COL7A1: variants seen among roughly 807,000 people sequenced by gnomAD.
COL7A1 encodes collagen alpha-1(VII) chain.
Under a neutral mutation model 456.2 loss-of-function variants are expected in COL7A1, and 296 were observed. The observed-to-expected ratio is 0.65, with a 90% CI of 0.59 to 0.71. COL7A1 has a LOEUF of 0.71. COL7A1 is among the 30% of genes least tolerant of loss of function. The probability of loss-of-function intolerance (pLI) is 0.00; values close to 1 mark genes in which losing one functional copy is unlikely to be tolerated. For missense variants in COL7A1, 3,441 were observed against 4,017.2 expected (o/e 0.86, Z 3.88); for synonymous variants, 1,464 against 1,525.9 (o/e 0.96, Z 0.95).
At position 48,583,120 on chromosome 3, in the gene COL7A1, C is replaced by A. The variant is rs1469985915; in HGVS notation, c.4482+7G>T. On this transcript the variant is annotated splice_region_variant and intron_variant, in intron 43 of 118. Transcript: ENST00000681320. This position sits in a 1 kb window ranked among gnomAD's most constrained non-coding sequence, Gnocchi z 5.1. The stretch of plus-strand genomic sequence containing the variant: ...AGGGCCCTTGGCACCCCCCAGGTTG[C>A]ACTTACCTTCTCTCCAGCCTCACCC... 9.3e-6 allele frequency: 15 copies of A among 1,613,830 alleles called. No individual in the cohort carries two copies. Among genetic ancestry groups the A allele is most frequent in the Non-Finnish European group, 1.3e-5 (15 of 1,179,994 alleles).
At position 48,574,776 on chromosome 3, in the gene COL7A1, G is replaced by A. The variant is rs533840468; in HGVS notation, c.6348+21C>T. Reference sequence around the variant, plus strand: ...TAGTGCCATGGCAGAGGGTGGCCCCGAGCTGATTCCACACACTGACCTTAG... The same window carrying A: ...TAGTGCCATGGCAGAGGGTGGCCCCAAGCTGATTCCACACACTGACCTTAG... On this transcript the variant is annotated intron_variant, in intron 77 of 118. Transcript: ENST00000681320. This position sits in a 1 kb window ranked among gnomAD's most constrained non-coding sequence, Gnocchi z 5.0. 89 of 1,613,948 alleles carry A rather than the reference G, an allele frequency of 5.5e-5. 1 individual carries two copies. In the South Asian group the frequency reaches 7.2e-4, roughly 13 times the overall value.
rs901204807 is a variant in COL7A1, at chr3:48,565,926, G to T, written c.8408-258C>A. Among the ~76,000 whole-genome samples the T allele has an allele frequency of 1.3e-5, 2 of 152,176 alleles. No individual in the cohort carries two copies. Among genetic ancestry groups the T allele is most frequent in the African/African-American group, 2.4e-5 (1 of 41,436 alleles). ...GCAGGCCAGACACAGAAACAGGCAGGTGGTGCAGACAGAGACGGGAAGAGA... is the reference window on the plus strand; with the variant it reads ...GCAGGCCAGACACAGAAACAGGCAGTTGGTGCAGACAGAGACGGGAAGAGA... On this transcript the variant is annotated intron_variant, in intron 114 of 118. Coordinates refer to ENST00000681320, the MANE Select transcript of COL7A1 (RefSeq NM_000094.4). This position sits in a 1 kb window ranked among gnomAD's most constrained non-coding sequence, Gnocchi z 4.5.
Position 48,591,969 on chromosome 3 carries a change from G to A in COL7A1, c.1286C>T (p.Thr429Ile), listed in dbSNP as rs141018618. The change falls in exon 11 of 119, where the codon ACA (threonine) becomes ATA (isoleucine). Residue 429 changes from threonine (T) to isoleucine (I), a missense_variant. Physicochemically the swap from Thr to Ile is moderately conservative, Grantham distance 89. Around this residue, in one of 3 missense-constraint regions of COL7A1, gnomAD observed 913 missense variants for 1,088.2 expected, o/e 0.84. Coordinates refer to ENST00000681320, the MANE Select transcript of COL7A1 (RefSeq NM_000094.4). The surrounding 1 kb of genome is among the most constrained non-coding windows in gnomAD (Gnocchi z 7.0). The part of the protein sequence containing the change: ...QTLRPVILGP[T>I]SILLSWNLVP... ...CAAGTTCCAGGAAAGGAGGATGGAT[G>A]TGGGGCCCAGGATGACCGGGCGCAG... 8.1e-6 allele frequency: 13 copies of A among 1,614,208 alleles called. No individual in the cohort carries two copies. Among genetic ancestry groups the A allele is most frequent in the East Asian group, 2.2e-5 (1 of 44,882 alleles).
rs2045946998 is a variant in COL7A1 at position 48,594,626 on chromosome 3, C to A, written c.86-78G>T. ...TACCCGCACGGTGGCCTCACTGGGA[C>A]TTGGGATGGTGGGGAGAGTAGGCCT... On this transcript the variant is annotated intron_variant, in intron 2 of 118. Transcript: ENST00000681320. The surrounding 1 kb of genome is among the most constrained non-coding windows in gnomAD (Gnocchi z 5.5). 2 of 1,489,878 alleles carry A rather than the reference C, an allele frequency of 1.3e-6. No homozygotes were observed. The highest frequency in any genetic ancestry group is 2.4e-5 in the South Asian group (2 of 82,838). The allele number at this position is 1,489,878 out of a possible 1,614,324, so 92.3% of individuals were successfully genotyped here. A position where few individuals can be genotyped will look rare whatever the true frequency, so the allele number is the denominator to read the frequency against.
chr3:48,566,727 C>A lies in COL7A1; in HGVS notation c.8237G>T (p.Gly2746Val), dbSNP rs774937909. 1 of 1,613,734 alleles carries A rather than the reference C, an allele frequency of 6.2e-7. No individual in the cohort carries two copies. The highest frequency in any genetic ancestry group is 1.7e-5 in the Admixed American group (1 of 60,012). ...EGLQGQKGER[G>V]PPGERVVGAP... ...CCCCACCACTCTCTCTCCGGGGGGA[C>A]CTCGCTCACCCTGTCAGACACAGGG... Residue 2746 changes from glycine (G) to valine (V), a missense_variant, in exon 112 of 119, where the codon GGT becomes GTT. By Grantham distance (109) the Gly-to-Val change is moderately radical. Transcript: ENST00000681320. The surrounding 1 kb of genome is among the most constrained non-coding windows in gnomAD (Gnocchi z 5.9).
rs1032335328 is a variant in COL7A1, at chr3:48,579,271, G to A, written c.5314C>T (p.Arg1772Trp). Residue 1772 changes from arginine to tryptophan, a missense_variant, in exon 62 of 119, where the codon CGG becomes TGG. Coordinates refer to ENST00000681320, the MANE Select transcript of COL7A1 (RefSeq NM_000094.4). This position sits in a 1 kb window ranked among gnomAD's most constrained non-coding sequence, Gnocchi z 4.4. ...CGGCCATCCAGCCCAGGGGGACCCC[G>A]GTCACCCTGTGGAAAATAGAGTGGT... ...VRGPAGEKGD[R>W]GPPGLDGRSG... 9.9e-6 allele frequency: 16 copies of A among 1,613,836 alleles called. No homozygotes were observed. The highest frequency in any genetic ancestry group is 7.7e-5 in the South Asian group (7 of 91,084).
Position 48,578,218 on chromosome 3 carries a change from A to G in COL7A1, c.5532+103T>C. 6 of 1,325,420 alleles carry G rather than the reference A, an allele frequency of 4.5e-6. No individual in the cohort carries two copies. The highest frequency in any genetic ancestry group is 6.4e-6 in the Non-Finnish European group (6 of 930,576). 82.1% of individuals were successfully genotyped at this position (1,325,420 alleles called of 1,614,324 possible). A position where few individuals can be genotyped will look rare whatever the true frequency, so the allele number is the denominator to read the frequency against. ...CATCTGTATGTCTGGGCCAGGATGC[A>G]TGTGTCTACACGTGTGCCTCATGTG... On this transcript the variant is annotated intron_variant, in intron 65 of 118. Coordinates refer to ENST00000681320, the MANE Select transcript of COL7A1 (RefSeq NM_000094.4). The surrounding 1 kb of genome is among the most constrained non-coding windows in gnomAD (Gnocchi z 4.7).
In COL7A1 at chr3:48,565,193, G is replaced by C; in HGVS notation, c.8536C>G (p.Pro2846Ala). The change falls in exon 117 of 119, where the codon CCC (proline) becomes GCC (alanine). Residue 2846 changes from proline (P) to alanine (A), a missense_variant. By Grantham distance (27) the Pro-to-Ala change is conservative (BLOSUM62 -1). Transcript: ENST00000681320. The surrounding 1 kb of genome is among the most constrained non-coding windows in gnomAD (Gnocchi z 4.5). The part of the protein sequence containing the change: ...VSHAEEEERV[P>A]PEDDEYSEYS... ...TCAGAGTACTCATCATCCTCAGGGG[G>C]TACCCGCTCTGCAGGTAGGGCAGGG... 6.2e-7 allele frequency: 1 copy of C among 1,613,594 alleles called. No homozygotes were observed. The highest frequency in any genetic ancestry group is 8.5e-7 in the Non-Finnish European group (1 of 1,179,740).
At position 48,576,763 on chromosome 3, in the gene COL7A1, A is replaced by T; in HGVS notation, c.5613T>A (p.Asp1871Glu). 6.2e-7 allele frequency: 1 copy of T among 1,613,468 alleles called. No individual in the cohort carries two copies. The highest frequency in any genetic ancestry group is 8.5e-7 in the Non-Finnish European group (1 of 1,179,798). Residue 1871 changes from aspartate to glutamate, a missense_variant, in exon 68 of 119, where the codon GAT becomes GAA. Around this residue, in one of 3 missense-constraint regions of COL7A1, gnomAD observed 2,084 missense variants for 2,501.3 expected, o/e 0.83. Coordinates refer to ENST00000681320, the MANE Select transcript of COL7A1 (RefSeq NM_000094.4). The part of the protein sequence containing the change: ...DSGASGREGR[D>E]GPKGERGAPG... ...GAGCTCCACGCTCACCCTTGGGGCCATCACGACCCTGTGAAGGATGCAGCC... is the reference window on the plus strand; with the variant it reads ...GAGCTCCACGCTCACCCTTGGGGCCTTCACGACCCTGTGAAGGATGCAGCC...
In COL7A1 at chr3:48,575,553, A is replaced by G; in HGVS notation, c.5980-14T>C. ...GCCGATGGGGCCCTGCAGGAGTGGA[A>G]GAGAGAATGCTGGTGGCTGTACAGC... On this transcript the variant is annotated splice_polypyrimidine_tract_variant and intron_variant, in intron 73 of 118. Coordinates refer to ENST00000681320, the MANE Select transcript of COL7A1 (RefSeq NM_000094.4). The surrounding 1 kb of genome is among the most constrained non-coding windows in gnomAD (Gnocchi z 6.3). 6.2e-7 allele frequency: 1 copy of G among 1,612,640 alleles called. No individual in the cohort carries two copies. Among genetic ancestry groups the G allele is most frequent in the East Asian group, 2.2e-5 (1 of 44,880 alleles).
At position 48,587,869 on chromosome 3, in the gene COL7A1, C is replaced by T. The variant is rs747561081; in HGVS notation, c.2781G>A (p.Ala927=). The change falls in exon 22 of 119, where the codon GCG becomes GCA. Residue 927 remains alanine, a synonymous_variant. Coordinates refer to ENST00000681320, the MANE Select transcript of COL7A1 (RefSeq NM_000094.4). The surrounding 1 kb of genome is among the most constrained non-coding windows in gnomAD (Gnocchi z 6.1). ...CACTCAGCCTCACGCGGTACTGTGT[C>T]GCTGGCTCCAGCCCGTCCAGGTGAT... ...SSYHLDGLEP[A]TQYRVRLSVL... is the part of the protein sequence containing the mutation. 1.2e-5 allele frequency: 19 copies of T among 1,612,754 alleles called. No individual in the cohort carries two copies. Among genetic ancestry groups the T allele is most frequent in the Middle Eastern group, 3.3e-4 (2 of 6,056 alleles).
Position 48,566,532 on chromosome 3 carries a change from T to C in COL7A1, c.8336A>G (p.Glu2779Gly). The C allele has an allele frequency of 6.2e-7, 1 of 1,613,544 alleles. No homozygotes were observed. Among genetic ancestry groups the C allele is most frequent in the Non-Finnish European group, 8.5e-7 (1 of 1,179,718 alleles). Residue 2779 changes from glutamate to glycine, a missense_variant, in exon 113 of 119, where the codon GAG becomes GGG. Physicochemically the swap from Glu to Gly is moderately conservative, Grantham distance 98. Transcript: ENST00000681320. This position sits in a 1 kb window ranked among gnomAD's most constrained non-coding sequence, Gnocchi z 5.9. The stretch of plus-strand genomic sequence containing the variant: ...CACCGTCAGTGCAGCTTCTCCCTTC[T>C]CGCCTCGAGGACCGGCAGGCCCTGG... ...GRPGPAGPRGEKGEAALTEDD... is the reference protein window; with the variant it reads ...GRPGPAGPRGGKGEAALTEDD...
Position 48,582,328 on chromosome 3 carries a change from C to T in COL7A1, c.4630G>A (p.Val1544Met), listed in dbSNP as rs1388477819. 1 of 1,614,038 alleles carries T rather than the reference C, an allele frequency of 6.2e-7. No individual in the cohort carries two copies. The highest frequency in any genetic ancestry group is 1.1e-5 in the South Asian group (1 of 91,090). The change falls in exon 47 of 119, where the codon GTG (valine) becomes ATG (methionine). Residue 1544 changes from valine (V) to methionine (M), a missense_variant. By Grantham distance (21) the Val-to-Met change is conservative. Coordinates refer to ENST00000681320, the MANE Select transcript of COL7A1 (RefSeq NM_000094.4). ...GCCATCCTCCCGTCACTCACCACCA[C>T]TGCAGGGTCCCCAGGGCGACCAGGC... ...GEPGRPGDPA[V>M]VGPAVAGPKG...
At position 48,570,492 on chromosome 3, in the gene COL7A1, A is replaced by G. The variant is rs139461888; in HGVS notation, c.7353T>C (p.Pro2451=). ...PPGPPGSVGP[P]GASGLKGDKG... is the part of the protein sequence containing the mutation. ...TGTCTCCTTTGAGTCCAGAGGCCCC[A>G]GGTGGTCCCTGTAGGTCAGAGTGAG... The change falls in exon 97 of 119, where the codon CCT becomes CCC. Residue 2451 remains proline (P), a synonymous_variant. Transcript: ENST00000681320. The surrounding 1 kb of genome is among the most constrained non-coding windows in gnomAD (Gnocchi z 5.5). 7.4e-4 allele frequency: 1,199 copies of G among 1,614,042 alleles called. 2 individuals are homozygous for G. The highest frequency in any genetic ancestry group is 6.6e-4 in the Non-Finnish European group (783 of 1,179,976).
rs778171366 is a variant in COL7A1, at chr3:48,572,269, A to G, written c.6979-98T>C. ...CCAGAGCTTAAATATGCGGTCTACT[A>G]TGAAAGCTGAGGGTCATGAGGGTGG... On this transcript the variant is annotated intron_variant, in intron 90 of 118. Coordinates refer to ENST00000681320, the MANE Select transcript of COL7A1 (RefSeq NM_000094.4). This position sits in a 1 kb window ranked among gnomAD's most constrained non-coding sequence, Gnocchi z 4.6. 8 of 1,611,676 alleles carry G rather than the reference A, an allele frequency of 5.0e-6. No individual in the cohort carries two copies. Among genetic ancestry groups the G allele is most frequent in the African/African-American group, 1.3e-5 (1 of 74,866 alleles).
At position 48,575,722 on chromosome 3, in the gene COL7A1, C is replaced by G; in HGVS notation, c.5883G>C (p.Glu1961Asp). 1 of 1,613,994 alleles carries G rather than the reference C, an allele frequency of 6.2e-7. No homozygotes were observed. The highest frequency in any genetic ancestry group is 8.5e-7 in the Non-Finnish European group (1 of 1,180,038). The change falls in exon 73 of 119, where the codon GAG becomes GAC. Residue 1961 changes from glutamate to aspartate, a missense_variant. Physicochemically the swap from Glu to Asp is conservative, Grantham distance 45 (BLOSUM62 2). Coordinates refer to ENST00000681320, the MANE Select transcript of COL7A1 (RefSeq NM_000094.4). This position sits in a 1 kb window ranked among gnomAD's most constrained non-coding sequence, Gnocchi z 6.3. ...IKASALREIV[E>D]TWDESSGSFL... Reference sequence around the variant, plus strand: ...AGCTACCAGAGCTCTCATCCCAGGTCTCCACGATCTCCCGCAGGGCAGATG... The same window carrying G: ...AGCTACCAGAGCTCTCATCCCAGGTGTCCACGATCTCCCGCAGGGCAGATG...
Position 48,568,379 on chromosome 3 carries a change from G to A in COL7A1, c.7794+120C>T. 8.7e-7 allele frequency: 1 copy of A among 1,146,000 alleles called. No homozygotes were observed. Among genetic ancestry groups the A allele is most frequent in the Admixed American group, 2.0e-5 (1 of 49,450 alleles). 71.0% of individuals were successfully genotyped at this position (1,146,000 alleles called of 1,614,324 possible). A position where few individuals can be genotyped will look rare whatever the true frequency, so the allele number is the denominator to read the frequency against. On this transcript the variant is annotated intron_variant, in intron 105 of 118. Transcript: ENST00000681320. The surrounding 1 kb of genome is among the most constrained non-coding windows in gnomAD (Gnocchi z 5.2). Reference sequence around the variant, plus strand: ...GGAGGTGGGGGACCCTGGGTGACATGAGGACACCATGAGAGCACTGGGTCA... The same window carrying A: ...GGAGGTGGGGGACCCTGGGTGACATAAGGACACCATGAGAGCACTGGGTCA...
chr3:48,575,283 G>A lies in COL7A1; in HGVS notation c.6181-41C>T, dbSNP rs1222221320. 5 of 1,604,756 alleles carry A rather than the reference G, an allele frequency of 3.1e-6. No individual in the cohort carries two copies. The highest frequency in any genetic ancestry group is 1.1e-5 in the South Asian group (1 of 90,888). Reference sequence around the variant, plus strand: ...CGGGTGAGGGCCAAGCCCATGGGGGGTCCCACCCCTCCCAACCCCTCTTCC... The same window carrying A: ...CGGGTGAGGGCCAAGCCCATGGGGGATCCCACCCCTCCCAACCCCTCTTCC... On this transcript the variant is annotated intron_variant, in intron 74 of 118. Transcript: ENST00000681320. This position sits in a 1 kb window ranked among gnomAD's most constrained non-coding sequence, Gnocchi z 6.3.
rs550283430 is a variant in COL7A1 at position 48,571,986 on chromosome 3, A to G, written c.7068+15T>C. The G allele has an allele frequency of 6.2e-7, 1 of 1,611,322 alleles. No individual in the cohort carries two copies. The highest frequency in any genetic ancestry group is 1.7e-5 in the Admixed American group (1 of 59,766). On this transcript the variant is annotated intron_variant, in intron 92 of 118. Coordinates refer to ENST00000681320, the MANE Select transcript of COL7A1 (RefSeq NM_000094.4). The surrounding 1 kb of genome is among the most constrained non-coding windows in gnomAD (Gnocchi z 4.6). ...CCTCAGGCCAGGCTCGCCCTTGCCT[A>G]GGCCCCGGACTCACATCTTCCCCAG...
Sources: gnomAD v4.1 joint callset for allele counts (sites outside exome capture counted in the v4.1 genomes callset) on GRCh38, gnomAD v4.1.1 for gene constraint, gnomAD v4.1.1 regional missense constraint, Gnocchi (gnomAD v3.1) non-coding constraint, MANE v1.5 for transcripts, NCBI Gene and HGNC (gene_info 2026-07-23, HGNC 2026-07-21) for gene names.